DPY19L3: variants seen among roughly 807,000 people sequenced by gnomAD.
DPY19L3 encodes the protein protein C-mannosyl-transferase DPY19L3.
A neutral mutation model predicts 92.3 loss-of-function variants in DPY19L3; 51 were observed. The observed-to-expected ratio is 0.55, with a 90% CI of 0.44 to 0.70. The LOEUF (loss-of-function observed/expected upper bound fraction) is 0.70, where lower values mean the gene tolerates loss of function less well. Ranked by LOEUF, DPY19L3 falls within the 30% of genes least tolerant of loss-of-function variation. The probability of loss-of-function intolerance (pLI) is 0.00; values close to 1 mark genes in which losing one functional copy is unlikely to be tolerated. For synonymous variants in DPY19L3, 309 were observed against 315.2 expected (o/e 0.98, Z 0.21); for missense variants, 706 against 855.9 (o/e 0.82, Z 2.18).
intron 8 of DPY19L3, among the ~76,000 whole-genome samples, chr19:32,449,343 C>T (rs1471308021): frequency 6.6e-6 from 1 of 152,078 alleles, no homozygotes; most frequent in Non-Finnish European, 1.5e-5. Context: ...GATGGCAGTG[C>T]CCCCCAAATT....
At chr19:32,437,109 T>G in intron 5 of DPY19L3, 85 bp from the exon 6 acceptor site, 1 of 1,521,028 alleles carries the variant, frequency 6.6e-7, no homozygotes, top group East Asian at 2.3e-5. Context: ...CTCCTGCATA[T>G]TGTATTCCTA....
rs1350864130 is a variant in DPY19L3, at chr19:32,438,990, A to C, written c.597-122A>C. The C allele has an allele frequency of 4.9e-6, 5 of 1,010,846 alleles. No individual in the cohort carries two copies. In the African/African-American group the frequency reaches 8.0e-5, roughly 16 times the overall value. 62.6% of individuals were successfully genotyped at this position (1,010,846 alleles called of 1,614,324 possible). On this transcript the variant is annotated intron_variant, in intron 6 of 18. Transcript: ENST00000392250. Reference sequence around the variant, plus strand: ...GATGATGATAAGGACAATTATTGAGAACCAGTGGCCAGAATCTTAAGTATA... The same window carrying C: ...GATGATGATAAGGACAATTATTGAGCACCAGTGGCCAGAATCTTAAGTATA...
chr19:32,406,773 C>CA (rs1756745760), intron 1 of DPY19L3, among the ~76,000 whole-genome samples: 1 of 152,144 alleles, frequency 6.6e-6, no homozygotes, highest in African/African-American at 2.4e-5. Flanking sequence ...CAGTGCCTGA[C>CA]ACATAATTGG....
intron 3 of DPY19L3, among the ~76,000 whole-genome samples, chr19:32,426,571 A>T (rs765432906): frequency 6.6e-6 from 1 of 152,152 alleles, no homozygotes; most frequent in Non-Finnish European, 1.5e-5. Context: ...TAATTCCGAT[A>T]TTATTGTGTC....
intron 16 of DPY19L3, among the ~76,000 whole-genome samples, chr19:32,470,111 A>G (rs1016580663): frequency 6.6e-6 from 1 of 152,242 alleles, no homozygotes; most frequent in African/African-American, 2.4e-5. Flanking sequence ...CTTTGGTCCT[A>G]ATGTCGGACT....
At chr19:32,450,965 G>T (rs969143219) in intron 8 of DPY19L3, among the ~76,000 whole-genome samples, 30 of 152,152 alleles carry the variant, frequency 2.0e-4, no homozygotes. Context: ...TTATTCATCA[G>T]TTCCTCCAAT....
chr19:32,456,626 A>T (rs1969874633), intron 10 of DPY19L3, among the ~76,000 whole-genome samples: 1 of 148,286 alleles, frequency 6.7e-6, no homozygotes, highest in Non-Finnish European at 1.5e-5. Flanking sequence ...TAGAGATGGG[A>T]TCTTGTCATG....
At chr19:32,431,367 A>C (rs970979844) in intron 3 of DPY19L3, among the ~76,000 whole-genome samples, 2 of 122,752 alleles carry the variant, frequency 1.6e-5, no homozygotes, top group Non-Finnish European at 3.6e-5. Context: ...AACGAGTGAA[A>C]CTCCGTCTCA....
At chr19:32,461,438 A>G (rs1223768562) in intron 12 of DPY19L3, among the ~76,000 whole-genome samples, 1 of 152,242 alleles carries the variant, frequency 6.6e-6, no homozygotes, top group African/African-American at 2.4e-5. Flanking sequence ...TTAGGTATCT[A>G]GAGAGGATAA....
intron 15 of DPY19L3, 43 bp from the exon 16 acceptor site, chr19:32,468,688 A>AG (rs755715495): frequency 2.5e-6 from 4 of 1,608,978 alleles, no homozygotes; most frequent in Non-Finnish European, 3.4e-6. Context: ...TTGTGGGTGT[A>AG]GGGGTGGATT....
intron 15 of DPY19L3, chr19:32,468,245 A>G (rs1970254348): frequency 2.1e-6 from 2 of 961,000 alleles, no homozygotes; most frequent in Admixed American, 6.1e-5. Context: ...GTCATGGGTT[A>G]TTGTGAGGAT....
intron 10 of DPY19L3, 40 bp downstream of exon 10, chr19:32,455,080 T>C: frequency 1.6e-6 from 2 of 1,263,618 alleles, no homozygotes; most frequent in Non-Finnish European, 1.1e-6. Flanking sequence ...TATTTTTAAT[T>C]AACTTATGGC....
At chr19:32,409,866 A>G (rs1043182336) in intron 2 of DPY19L3, among the ~76,000 whole-genome samples, 1 of 152,180 alleles carries the variant, frequency 6.6e-6, no homozygotes, top group Admixed American at 6.5e-5. Context: ...ACCACCTCCC[A>G]TTAGGCCCCA....
At chr19:32,422,095 T>C (rs1026993293) in intron 3 of DPY19L3, among the ~76,000 whole-genome samples, 1 of 152,082 alleles carries the variant, frequency 6.6e-6, no homozygotes, top group Non-Finnish European at 1.5e-5. Context: ...CTTGCCACAT[T>C]CTGACATAAC....
intron 17 of DPY19L3, among the ~76,000 whole-genome samples, chr19:32,478,393 A>T (rs1231217222): frequency 6.6e-6 from 1 of 152,238 alleles, no homozygotes; most frequent in Non-Finnish European, 1.5e-5. Flanking sequence ...GCGTTGAGGC[A>T]TACTGGTCAC....
intron 9 of DPY19L3, 96 bp downstream of exon 9, chr19:32,453,372 A>G (rs929190046): frequency 1.5e-6 from 2 of 1,293,792 alleles, no homozygotes; most frequent in East Asian, 2.5e-5. Context: ...AGGGAAATTT[A>G]CAACCTGATT....
chr19:32,420,483 C>T (rs762498625), intron 3 of DPY19L3, among the ~76,000 whole-genome samples: 1 of 151,870 alleles, frequency 6.6e-6, no homozygotes, highest in Non-Finnish European at 1.5e-5. Context: ...GTCTCACTGT[C>T]GCCCAGGCTG....
rs541427809 is a variant in DPY19L3 at position 32,453,088 on chromosome 19, A to T, written c.856-57A>T. 54 of 1,598,594 alleles carry T rather than the reference A, an allele frequency of 3.4e-5. No individual in the cohort carries two copies. In the African/African-American group the frequency reaches 6.7e-4, roughly 20 times the overall value. ...TATCCACCTCATGACCAACATGTCG[A>T]CATGTGATGATCTCTTGGTAAAATG... On this transcript the variant is annotated intron_variant, in intron 8 of 18. Coordinates refer to ENST00000392250, the MANE Select transcript of DPY19L3 (RefSeq NM_001172774.2).
intron 3 of DPY19L3, among the ~76,000 whole-genome samples, chr19:32,432,392 C>A (rs1425400754): frequency 6.6e-6 from 1 of 152,032 alleles, no homozygotes; most frequent in African/African-American, 2.4e-5. Flanking sequence ...GTGTCTAATG[C>A]AATTATATTT....
Sources: gnomAD v4.1 joint callset for allele counts (sites outside exome capture counted in the v4.1 genomes callset) on GRCh38, gnomAD v4.1.1 for gene constraint, MANE v1.5 for transcripts, NCBI Gene and HGNC (gene_info 2026-07-23, HGNC 2026-07-21) for gene names.